Variants in IFT88 observed in about 807,000 individuals in gnomAD.
IFT88 encodes the protein intraflagellar transport 88.
IFT88 carries 74 observed loss-of-function variants against 119.5 expected under a neutral mutation model. The ratio of observed to expected loss-of-function variants is 0.62; its 90% CI spans 0.51 to 0.75. The LOEUF (loss-of-function observed/expected upper bound fraction) is 0.75. Ranked by LOEUF, IFT88 falls within the 30% of genes least tolerant of loss-of-function variation. The probability of loss-of-function intolerance (pLI) is 0.00; values close to 1 mark genes in which losing one functional copy is unlikely to be tolerated. For missense variants in IFT88, 961 were observed against 977.7 expected, an observed-to-expected ratio of 0.98 and a Z score of 0.23; for synonymous variants, 279 against 316.7, an observed-to-expected ratio of 0.88 and a Z score of 1.26.
Position 20,582,958 on chromosome 13 carries a change from A to T in IFT88, c.92A>T (p.Glu31Val), listed in dbSNP as rs138599693. The change falls in exon 3 of 26, where the codon GAA (glutamate) becomes GTA (valine). Residue 31 changes from glutamate (E) to valine (V), a missense_variant and splice_region_variant. Transcript: ENST00000351808. ...GTTAAATTTGCGTTTTCATTTTAGGAATTGGAGAATGATGCAGCTTTTCAG... is the reference window on the plus strand; with the variant it reads ...GTTAAATTTGCGTTTTCATTTTAGGTATTGGAGAATGATGCAGCTTTTCAG... ...NDYNPIYDIE[E>V]LENDAAFQQA... The T allele has an allele frequency of 2.4e-5, 38 of 1,610,684 alleles. No individual in the cohort carries two copies. Among genetic ancestry groups the T allele is most frequent in the Non-Finnish European group, 3.1e-5 (37 of 1,177,762 alleles).
chr13:20,601,619 G>C, intron 11 of IFT88, 86 bp from the exon 12 acceptor site: 1 of 845,578 alleles, frequency 1.2e-6, no homozygotes, highest in Non-Finnish European at 1.8e-6. Context: ...AGTGGGAGAC[G>C]AAAAAAGAAA....
In IFT88 at chr13:20,567,213, G is replaced by C. The variant is rs2137612551; in HGVS notation, c.-50G>C. 1 of 152,420 alleles carries C rather than the reference G, an allele frequency of 6.6e-6. No homozygotes were observed. Among genetic ancestry groups the C allele is most frequent in the Non-Finnish European group, 1.5e-5 (1 of 68,128 alleles). 9.4% of individuals were successfully genotyped at this position (152,420 alleles called of 1,614,324 possible). A position where few individuals can be genotyped will look rare whatever the true frequency, so the allele number is the denominator to read the frequency against. On this transcript the variant is annotated 5_prime_UTR_variant, in exon 1 of 26. Transcript: ENST00000351808. ...TCGCGCTTTGGCCAACCGCTGCGTC[G>C]TCCCTGGGCCCGAATAACTGTCGCC...
intron 23 of IFT88, among the ~76,000 whole-genome samples, chr13:20,664,784 A>G (rs577165077): frequency 3.2e-4 from 49 of 152,310 alleles, no homozygotes; most frequent in African/African-American, 1.2e-3. Flanking sequence ...AAAAGAAAAT[A>G]AAGAAATAAT....
intron 23 of IFT88, among the ~76,000 whole-genome samples, chr13:20,668,333 G>A (rs1038953937): frequency 6.6e-6 from 1 of 151,940 alleles, no homozygotes; most frequent in Non-Finnish European, 1.5e-5. Flanking sequence ...TGAGAGATGT[G>A]CAGTTAACTG....
chr13:20,641,764 A>G (rs1035688031), intron 18 of IFT88: 1 of 167,268 alleles, frequency 6.0e-6, no homozygotes, highest in Admixed American at 5.9e-5. Context: ...CTTACTAAAT[A>G]AAATACTGTT....
chr13:20,654,758 T>A (rs1594680700), intron 21 of IFT88, among the ~76,000 whole-genome samples: 1 of 152,226 alleles, frequency 6.6e-6, no homozygotes, highest in Non-Finnish European at 1.5e-5. Context: ...TCCTATTGAA[T>A]GTACAACATG....
chr13:20,674,295 T>G (rs1460636064), intron 24 of IFT88, among the ~76,000 whole-genome samples: 1 of 152,250 alleles, frequency 6.6e-6, no homozygotes, highest in African/African-American at 2.4e-5. Flanking sequence ...AATAACTATA[T>G]TCTGTCCATT....
chr13:20,607,303 C>T, intron 13 of IFT88: 3 of 456,000 alleles, frequency 6.6e-6, no homozygotes, highest in South Asian at 3.5e-5. Flanking sequence ...TCACCTTCGG[C>T]AAGTACTTCG....
At chr13:20,677,744 T>A (rs2056854045) in intron 24 of IFT88, among the ~76,000 whole-genome samples, 1 of 152,216 alleles carries the variant, frequency 6.6e-6, no homozygotes, top group Non-Finnish European at 1.5e-5. Flanking sequence ...GAATATCATC[T>A]TCTTAAAAAT....
chr13:20,643,484 C>T lies in IFT88; in HGVS notation c.1712C>T (p.Ala571Val). Residue 571 changes from alanine to valine, a missense_variant, in exon 19 of 26, where the codon GCT becomes GTT. Coordinates refer to ENST00000351808, the MANE Select transcript of IFT88 (RefSeq NM_006531.5). ...IYELMENPSQ[A>V]IEWLMQVVSV... The stretch of plus-strand genomic sequence containing the variant: ...GAATTAATGGAAAATCCCAGTCAAG[C>T]TATTGAATGGCTAATGCAGGTGGTC... 1 of 1,605,202 alleles carries T rather than the reference C, an allele frequency of 6.2e-7. No individual in the cohort carries two copies. The highest frequency in any genetic ancestry group is 8.5e-7 in the Non-Finnish European group (1 of 1,177,522).
chr13:20,640,007 C>G (rs1222390241), intron 17 of IFT88, among the ~76,000 whole-genome samples: 1 of 151,714 alleles, frequency 6.6e-6, no homozygotes, highest in Non-Finnish European at 1.5e-5. Context: ...CCAGGCTGGT[C>G]TGGAACTCCT....
chr13:20,568,087 C>T, intron 1 of IFT88: 1 of 696,656 alleles, frequency 1.4e-6, no homozygotes, highest in Non-Finnish European at 2.6e-6. Context: ...ACATTCAAAG[C>T]CGTCCTGTGC....
At chr13:20,671,061 G>GA in intron 24 of IFT88, 22 bp downstream of exon 24, 2 of 1,606,566 alleles carry the variant, frequency 1.2e-6, no homozygotes, top group Non-Finnish European at 1.7e-6. Context: ...CTCTTTCCCT[G>GA]AAAAACTTGG....
chr13:20,644,136 G>A (rs1478144957), intron 19 of IFT88, among the ~76,000 whole-genome samples: 1 of 152,160 alleles, frequency 6.6e-6, no homozygotes, highest in Non-Finnish European at 1.5e-5. Context: ...GGAGACCAGA[G>A]TGAGAGGATT....
intron 1 of IFT88, among the ~76,000 whole-genome samples, chr13:20,571,188 G>T (rs2036294553): frequency 6.6e-6 from 1 of 152,014 alleles, no homozygotes; most frequent in Admixed American, 6.6e-5. Context: ...TAGAGACGGG[G>T]TTTCACCATA....
At chr13:20,592,497 T>A in intron 7 of IFT88, 93 bp downstream of exon 7, 18 of 789,542 alleles carry the variant, frequency 2.3e-5, no homozygotes, top group Non-Finnish European at 3.5e-5. Flanking sequence ...TGAGATGATA[T>A]CTCACTCTGT....
chr13:20,656,574 T>G (rs1013762414), intron 22 of IFT88, 144 bp downstream of exon 22: 4 of 384,768 alleles, frequency 1.0e-5, no homozygotes, highest in Non-Finnish European at 1.9e-5. Context: ...TTTTATAGCA[T>G]CAGAAAATTT....
intron 20 of IFT88, among the ~76,000 whole-genome samples, chr13:20,645,686 A>G (rs1205476929): frequency 1.3e-5 from 2 of 152,220 alleles, no homozygotes; most frequent in Non-Finnish European, 2.9e-5. Context: ...TTAAGTTCGT[A>G]TCAGAATGTG....
intron 7 of IFT88, among the ~76,000 whole-genome samples, chr13:20,595,479 AG>A (rs2041487275): frequency 1.3e-5 from 2 of 151,896 alleles, no homozygotes; most frequent in Non-Finnish European, 2.9e-5. Flanking sequence ...TAGTAGAGGC[AG>A]GGTTTCACCA....
Sources: allele counts gnomAD v4.1 joint callset (sites outside exome capture counted in the v4.1 genomes callset), GRCh38; gene constraint gnomAD v4.1.1; transcripts MANE v1.5; gene names NCBI Gene and HGNC (gene_info 2026-07-23, HGNC 2026-07-21).